Variants in TBC1D5 observed in about 807,000 individuals in gnomAD.
The protein encoded by TBC1D5 is TBC1 domain family, member 5.
A neutral mutation model predicts 100.3 loss-of-function variants in TBC1D5; 75 were observed. The ratio of observed to expected loss-of-function variants is 0.75; its 90% CI spans 0.62 to 0.91. The LOEUF (loss-of-function observed/expected upper bound fraction) is 0.91, where lower values mean the gene tolerates loss of function less well. Ranked by LOEUF, TBC1D5 falls within the 40% of genes least tolerant of loss-of-function variation. The pLI is 0.00. For synonymous variants in TBC1D5, 323 were observed against 325.6 expected (o/e 0.99, Z 0.09); for missense variants, 910 against 942.4 (o/e 0.97, Z 0.45).
chr3:17,729,693 C>T (rs2076402809), intron 1 of TBC1D5, among the ~76,000 whole-genome samples: 1 of 151,304 alleles, frequency 6.6e-6, no homozygotes. Flanking sequence ...GGAGACAGAG[C>T]GAGACTGTCT....
chr3:17,538,912 T>G (rs191016403), intron 2 of TBC1D5, among the ~76,000 whole-genome samples: 18 of 152,250 alleles, frequency 1.2e-4, no homozygotes, highest in Admixed American at 1.0e-3. Flanking sequence ...CCAATCATGG[T>G]GGATCACACT....
chr3:17,167,705 G>A (rs756413910), intron 20 of TBC1D5, 44 bp downstream of exon 21: 49 of 1,574,730 alleles, frequency 3.1e-5, no homozygotes, highest in South Asian at 8.9e-5. Context: ...CCCTCCCCGC[G>A]GCAGGCGGGA....
Position 17,258,533 on chromosome 3 carries a change from C to T in TBC1D5, c.1304G>A (p.Arg435Gln), listed in dbSNP as rs776955617. 3.2e-5 allele frequency: 51 copies of T among 1,612,476 alleles called. No homozygotes were observed. Among genetic ancestry groups the T allele is most frequent in the South Asian group, 2.4e-4 (22 of 90,938 alleles). Residue 435 changes from arginine to glutamine, a missense_variant, in exon 16 of 22, where the codon CGA (arginine) becomes CAA (glutamine). Arg to Gln is a conservative substitution (Grantham distance 43). Transcript: ENST00000253692. ...GCTTTTATTCATGAGGTCTGCTCCT[C>T]GTGCTTTGTAATAATCTAAATTTGG...
At chr3:17,479,391 C>T in intron 3 of TBC1D5, among the ~76,000 whole-genome samples, 1 of 152,078 alleles carries the variant, frequency 6.6e-6, no homozygotes, top group East Asian at 1.9e-4. Context: ...TGAGAGACAC[C>T]CCATCTCAGA....
At chr3:17,245,802 A>T (rs2076689860) in intron 16 of TBC1D5, among the ~76,000 whole-genome samples, 1 of 152,226 alleles carries the variant, frequency 6.6e-6, no homozygotes, top group Non-Finnish European at 1.5e-5. Context: ...TTATTATTTG[A>T]ATTATTTATT....
At chr3:17,381,963 C>T (rs2092962595) in intron 9 of TBC1D5, among the ~76,000 whole-genome samples, 1 of 152,010 alleles carries the variant, frequency 6.6e-6, no homozygotes, top group African/African-American at 2.4e-5. Context: ...ATAACTGAAC[C>T]TGTTTCTAGA....
At chr3:17,660,833 C>A (rs1249056676) in intron 1 of TBC1D5, among the ~76,000 whole-genome samples, 1 of 152,050 alleles carries the variant, frequency 6.6e-6, no homozygotes, top group Non-Finnish European at 1.5e-5. Context: ...AAAGGCAGAA[C>A]CACCATAATT....
At chr3:17,311,966 T>C (rs1456479289) in intron 13 of TBC1D5, among the ~76,000 whole-genome samples, 1 of 152,118 alleles carries the variant, frequency 6.6e-6, no homozygotes, top group Non-Finnish European at 1.5e-5. Context: ...ATGCCTGTTA[T>C]GGGATAAACA....
At chr3:17,593,007 A>G (rs906168766) in intron 2 of TBC1D5, among the ~76,000 whole-genome samples, 5 of 152,140 alleles carry the variant, frequency 3.3e-5, no homozygotes, top group Non-Finnish European at 7.3e-5. Context: ...CAGAAGCATT[A>G]TATCATCAAA....
At chr3:17,485,615 G>A (rs1008658130) in intron 3 of TBC1D5, among the ~76,000 whole-genome samples, 3 of 151,642 alleles carry the variant, frequency 2.0e-5, no homozygotes, top group Admixed American at 2.0e-4. Context: ...CCTTGCAATA[G>A]TTTGCTGAGA....
At position 17,727,429 on chromosome 3, in the gene TBC1D5, G is replaced by A. The variant is rs1035872227; in HGVS notation, c.-101+11914C>T. 3.3e-5 allele frequency among the ~76,000 whole-genome samples: 5 copies of A among 152,150 alleles called. No homozygotes were observed. In the South Asian group the frequency reaches 6.2e-4, roughly 19 times the overall value. ...TTTGAAACAACTGGAAGCTTAGCCA[G>A]TGTGGTGAAAAGATAATAAATAAAG... On this transcript the variant is annotated intron_variant, in intron 1 of 21. Coordinates refer to ENST00000253692, the Ensembl canonical transcript of TBC1D5.
intron 3 of TBC1D5, among the ~76,000 whole-genome samples, chr3:17,458,164 G>A (rs1013429012): frequency 2.0e-5 from 3 of 152,158 alleles, no homozygotes; most frequent in Non-Finnish European, 4.4e-5. Context: ...CTAAGTCTGA[G>A]GTGTACAGCC....
At chr3:17,299,619 G>A (rs1025890789) in intron 14 of TBC1D5, among the ~76,000 whole-genome samples, 13 of 152,180 alleles carry the variant, frequency 8.5e-5, no homozygotes, top group African/African-American at 3.1e-4. Flanking sequence ...AGCACTTTGA[G>A]AGGGCGAGAT....
At chr3:17,355,257 T>C (rs1054979595) in intron 13 of TBC1D5, among the ~76,000 whole-genome samples, 1 of 152,168 alleles carries the variant, frequency 6.6e-6, no homozygotes, top group Admixed American at 6.6e-5. Flanking sequence ...GGTGCTACCC[T>C]ATCAGTTTCC....
chr3:17,692,434 GAA>G (rs970955329), intron 1 of TBC1D5, among the ~76,000 whole-genome samples: 8 of 152,066 alleles, frequency 5.3e-5, no homozygotes, highest in Non-Finnish European at 1.2e-4. Flanking sequence ...GTTGAATAGA[GAA>G]AGAATTAGTG....
chr3:17,479,128 T>C (rs1171958769), intron 3 of TBC1D5, among the ~76,000 whole-genome samples: 8 of 152,194 alleles, frequency 5.3e-5, no homozygotes, highest in African/African-American at 1.9e-4. Flanking sequence ...AGGCTGGACG[T>C]GGCGGCTCAC....
chr3:17,542,094 T>C (rs9758476), intron 2 of TBC1D5, among the ~76,000 whole-genome samples: 118,557 of 152,024 alleles, frequency 0.78, 47,128 homozygotes, highest in African/African-American at 0.95. Flanking sequence ...TCAAGAGAAA[T>C]CTGGGCAACA....
chr3:17,227,951 G>GT (rs751382308), intron 17 of TBC1D5, among the ~76,000 whole-genome samples: 3 of 151,704 alleles, frequency 2.0e-5, no homozygotes, highest in Non-Finnish European at 2.9e-5. Flanking sequence ...GTGGAGGATA[G>GT]TGGGAAGATG....
intron 2 of TBC1D5, among the ~76,000 whole-genome samples, chr3:17,573,441 A>G (rs759280800): frequency 2.5e-4 from 38 of 152,072 alleles, no homozygotes; most frequent in Non-Finnish European, 4.0e-4. Flanking sequence ...AGTAGATCAC[A>G]ATGCCTAGCA....
Sources: gnomAD v4.1 joint callset for allele counts (sites outside exome capture counted in the v4.1 genomes callset) on GRCh38, gnomAD v4.1.1 for gene constraint, MANE v1.5 for transcripts, NCBI Gene and HGNC (gene_info 2026-07-23, HGNC 2026-07-21) for gene names.